LRRN3: variants seen among roughly 807,000 people sequenced by gnomAD.
The protein encoded by LRRN3 is leucine-rich repeat neuronal protein 3.
A neutral mutation model predicts 40.1 loss-of-function variants in LRRN3; 15 were observed. The ratio of observed to expected loss-of-function variants is 0.37; its 90% CI spans 0.25 to 0.58. LRRN3 has a LOEUF of 0.58. Among genes scored for constraint, LRRN3 ranks in the 20% least tolerant of loss-of-function variants. LRRN3 has a pLI of 0.72. For missense variants in LRRN3, 746 were observed against 837.7 expected (o/e 0.89, Z 1.35); for synonymous variants, 308 against 297.2 (o/e 1.04, Z -0.37).
At chr7:111,111,354 T>C (rs1370048939) in intron 2 of LRRN3, among the ~76,000 whole-genome samples, 2 of 148,188 alleles carry the variant, frequency 1.3e-5, no homozygotes, top group Non-Finnish European at 3.0e-5. Flanking sequence ...CATTGCCCAT[T>C]AACAAAAATT....
Position 111,123,734 on chromosome 7 carries a change from G to C in LRRN3, c.962G>C (p.Arg321Thr), listed in dbSNP as rs1283980345. 4 of 1,613,756 alleles carry C rather than the reference G, an allele frequency of 2.5e-6. No individual in the cohort carries two copies. Among genetic ancestry groups the C allele is most frequent in the Non-Finnish European group, 3.4e-6 (4 of 1,179,938 alleles). Residue 321 changes from arginine (R) to threonine (T), a missense_variant, in exon 3 of 3, where the codon AGA (arginine) becomes ACA (threonine). By Grantham distance (71) the Arg-to-Thr change is moderately conservative. Coordinates refer to ENST00000308478, the MANE Select transcript of LRRN3 (RefSeq NM_001099658.2). The surrounding 1 kb of genome is among the most constrained non-coding windows in gnomAD (Gnocchi z 6.4). Reference protein sequence around the residue: ...LRKIEATNNPRLSYIHPNAFF... With the variant: ...LRKIEATNNPTLSYIHPNAFF... ...AAAATAGAAGCTACTAACAACCCTA[G>C]ATTGTCTTACATTCACCCCAATGCA...
Position 111,124,650 on chromosome 7 carries a change from CACA to C in LRRN3, c.1882_1884del (p.Thr628del). On this transcript the variant is annotated inframe_deletion, in exon 3 of 3. Transcript: ENST00000308478. Reference sequence around the variant, plus strand: ...AAAAAGAGTATGAAAAGAATAATACCACAACACTTATGGCCTGTCTTGGAGGCC... The same window carrying C: ...AAAAAGAGTATGAAAAGAATAATACCACACTTATGGCCTGTCTTGGAGGCC... The C allele has an allele frequency of 6.2e-7, 1 of 1,613,706 alleles. No homozygotes were observed. The highest frequency in any genetic ancestry group is 1.3e-5 in the African/African-American group (1 of 74,910).
chr7:111,118,006 C>T (rs762818026), intron 2 of LRRN3, among the ~76,000 whole-genome samples: 58 of 152,186 alleles, frequency 3.8e-4, no homozygotes, highest in Non-Finnish European at 4.3e-4. Context: ...CCTCACTATA[C>T]CCCAGCTGAT....
intron 2 of LRRN3, among the ~76,000 whole-genome samples, chr7:111,103,764 G>A (rs191492009): frequency 3.7e-4 from 56 of 151,490 alleles, no homozygotes; most frequent in African/African-American, 1.4e-3. Context: ...AACTTTTAAC[G>A]CATTATTTTA....
In LRRN3 at chr7:111,124,929, G is replaced by C; in HGVS notation, c.*30G>C. The C allele has an allele frequency of 3.2e-5, 32 of 1,008,662 alleles. No homozygotes were observed. The highest frequency in any genetic ancestry group is 4.0e-5 in the Admixed American group (1 of 24,980). 62.5% of individuals were successfully genotyped at this position (1,008,662 alleles called of 1,614,324 possible). A position where few individuals can be genotyped will look rare whatever the true frequency, so the allele number is the denominator to read the frequency against. Reference sequence around the variant, plus strand: ...CACCAAGGAAACCTACTCCAAAAATGAACAAAAAAAAAAAAAGCGAAAGAC... The same window carrying C: ...CACCAAGGAAACCTACTCCAAAAATCAACAAAAAAAAAAAAAGCGAAAGAC... On this transcript the variant is annotated 3_prime_UTR_variant, in exon 3 of 3. Coordinates refer to ENST00000308478, the MANE Select transcript of LRRN3 (RefSeq NM_001099658.2).
At chr7:111,113,494 A>G (rs1799486496) in intron 2 of LRRN3, among the ~76,000 whole-genome samples, 1 of 152,140 alleles carries the variant, frequency 6.6e-6, no homozygotes, top group Non-Finnish European at 1.5e-5. Context: ...CCTGTTCATA[A>G]AATCAACTCA....
chr7:111,117,102 A>G lies in LRRN3; in HGVS notation c.-358-5313A>G, dbSNP rs116200292. Among the ~76,000 whole-genome samples the G allele has an allele frequency of 7.0e-3, 1,069 of 152,256 alleles. 13 individuals carry two copies. The highest frequency in any genetic ancestry group is 0.024 in the African/African-American group (1,001 of 41,556). On this transcript the variant is annotated intron_variant, in intron 2 of 2. Coordinates refer to ENST00000308478, the MANE Select transcript of LRRN3 (RefSeq NM_001099658.2). ...CAGGTAACTAATTTGATAGTCTTTA[A>G]AAGCCCCATAATGACTAAAATTCAC...
intron 1 of LRRN3, among the ~76,000 whole-genome samples, chr7:111,092,929 AT>A (rs1563233494): frequency 1.3e-5 from 2 of 152,078 alleles, no homozygotes. Context: ...ACTGTGGGTT[AT>A]TTTTTTCCAC....
chr7:111,119,110 C>T (rs781326627), intron 2 of LRRN3, among the ~76,000 whole-genome samples: 1 of 152,124 alleles, frequency 6.6e-6, no homozygotes, highest in African/African-American at 2.4e-5. Context: ...GATATAGGTA[C>T]CTCTCTGCTC....
chr7:111,121,508 T>C (rs1800611381), intron 2 of LRRN3, among the ~76,000 whole-genome samples: 1 of 152,042 alleles, frequency 6.6e-6, no homozygotes. Context: ...ATCAGAGAAA[T>C]GCAAATCAAA....
chr7:111,119,693 A>T (rs1203627424), intron 2 of LRRN3, among the ~76,000 whole-genome samples: 3 of 152,346 alleles, frequency 2.0e-5, no homozygotes, highest in Non-Finnish European at 4.4e-5. Flanking sequence ...GATTCTACTA[A>T]TACAATTCAT....
In LRRN3 at chr7:111,122,622, T is replaced by G. The variant is rs1800786091; in HGVS notation, c.-151T>G. ...GACAATGCAATTGTGGCACTGGCACTTATTTCAGTGAAGAAAAACTTTGTG... is the reference window on the plus strand; with the variant it reads ...GACAATGCAATTGTGGCACTGGCACGTATTTCAGTGAAGAAAAACTTTGTG... On this transcript the variant is annotated 5_prime_UTR_variant, in exon 3 of 3. Transcript: ENST00000308478. 1.6e-6 allele frequency: 1 copy of G among 629,464 alleles called. No individual in the cohort carries two copies. 39.0% of individuals were successfully genotyped at this position (629,464 alleles called of 1,614,324 possible).
intron 2 of LRRN3, among the ~76,000 whole-genome samples, chr7:111,103,191 T>C (rs1023923176): frequency 1.3e-5 from 2 of 151,630 alleles, no homozygotes; most frequent in Non-Finnish European, 1.5e-5. Context: ...AACAACTGCA[T>C]TACTCCATCA....
intron 2 of LRRN3, among the ~76,000 whole-genome samples, chr7:111,100,701 G>A (rs1033653018): frequency 6.6e-6 from 1 of 151,126 alleles, no homozygotes; most frequent in Non-Finnish European, 1.5e-5. Flanking sequence ...ACTGGATTAA[G>A]GTTTTTTTGT....
chr7:111,121,207 GTTT>G (rs560829141), intron 2 of LRRN3, among the ~76,000 whole-genome samples: 47 of 152,170 alleles, frequency 3.1e-4, no homozygotes, highest in African/African-American at 1.1e-3. Context: ...GGGGTTGTTT[GTTT>G]TTTTCTTGTA....
intron 1 of LRRN3, among the ~76,000 whole-genome samples, chr7:111,093,911 T>G (rs1797131086): frequency 6.6e-6 from 1 of 152,136 alleles, no homozygotes; most frequent in African/African-American, 2.4e-5. Context: ...CATGCTGAGT[T>G]AGAATGCTGA....
At chr7:111,099,102 G>C (rs1797698494) in intron 1 of LRRN3, among the ~76,000 whole-genome samples, 1 of 151,604 alleles carries the variant, frequency 6.6e-6, no homozygotes, top group Non-Finnish European at 1.5e-5. Flanking sequence ...TGAACTGGCA[G>C]CTTATAACTT....
At chr7:111,108,139 G>T (rs1230157052) in intron 2 of LRRN3, among the ~76,000 whole-genome samples, 1 of 145,798 alleles carries the variant, frequency 6.9e-6, no homozygotes, top group African/African-American at 2.8e-5. Context: ...TCTGGGTTTG[G>T]AGACAAAAAC....
Position 111,124,984 on chromosome 7 carries a change from A to C in LRRN3, c.*85A>C. The C allele has an allele frequency of 3.1e-6, 3 of 961,116 alleles. No homozygotes were observed. Among genetic ancestry groups the C allele is most frequent in the Non-Finnish European group, 4.6e-6 (3 of 658,830 alleles). The allele number at this position is 961,116 out of a possible 1,614,324, so 59.5% of individuals were successfully genotyped here. A position where few individuals can be genotyped will look rare whatever the true frequency, so the allele number is the denominator to read the frequency against. On this transcript the variant is annotated 3_prime_UTR_variant, in exon 3 of 3. Coordinates refer to ENST00000308478, the MANE Select transcript of LRRN3 (RefSeq NM_001099658.2). ...GTTGTGCTAAAAACAAAACAAAACA[A>C]ACAAACAAACAAAAAAGTAAAAAAA...
Sources: gnomAD v4.1 joint callset for allele counts (sites outside exome capture counted in the v4.1 genomes callset) on GRCh38, gnomAD v4.1.1 for gene constraint, Gnocchi (gnomAD v3.1) non-coding constraint, MANE v1.5 for transcripts, NCBI Gene and HGNC (gene_info 2026-07-23, HGNC 2026-07-21) for gene names.